The following NKAIN3 variants were observed in gnomAD, a reference collection of about 807,000 sequenced individuals.
NKAIN3 encodes the protein sodium/potassium transporting ATPase interacting 3, also known as sodium/potassium-transporting ATPase subunit beta-1-interacting protein 3.
In NKAIN3, 25 loss-of-function variants were observed where a neutral mutation model predicts 30.2. The ratio of observed to expected loss-of-function variants is 0.83; its 90% CI spans 0.60 to 1.16. NKAIN3 has a LOEUF of 1.16. Among genes scored for constraint, NKAIN3 ranks in the 50% most tolerant of loss-of-function variants. The pLI, the probability that NKAIN3 is intolerant of heterozygous loss-of-function variation, is 0.00. For synonymous variants in NKAIN3, 91 were observed against 89.6 expected, an observed-to-expected ratio of 1.02 and a Z score of -0.09; for missense variants, 225 against 254.1, an observed-to-expected ratio of 0.89 and a Z score of 0.78.
At chr8:62,581,221 C>T (rs972673501) in intron 2 of NKAIN3, among the ~76,000 whole-genome samples, 20 of 151,838 alleles carry the variant, frequency 1.3e-4, no homozygotes, top group Non-Finnish European at 2.4e-4. Flanking sequence ...AAGGGGGTTT[C>T]ATGGAGTTGG....
intron 1 of NKAIN3, among the ~76,000 whole-genome samples, chr8:62,409,215 G>A (rs1352227652): frequency 4.6e-5 from 7 of 151,918 alleles, no homozygotes; most frequent in African/African-American, 9.7e-5. Context: ...ATGGAGTTTC[G>A]CTCTTGTTGC....
intron 1 of NKAIN3, among the ~76,000 whole-genome samples, chr8:62,353,218 A>T (rs540720312): frequency 6.6e-6 from 1 of 152,258 alleles, no homozygotes; most frequent in African/African-American, 2.4e-5. Context: ...ACAAAAAAAT[A>T]AAAAAATAAG....
chr8:62,399,178 T>G (rs1817857247), intron 1 of NKAIN3, among the ~76,000 whole-genome samples: 1 of 152,210 alleles, frequency 6.6e-6, no homozygotes, highest in Non-Finnish European at 1.5e-5. Flanking sequence ...GATATTTACA[T>G]CATTTTTTTC....
Position 62,976,236 on chromosome 8 carries a change from C to T in NKAIN3, c.*10829C>T, listed in dbSNP as rs975500000. On this transcript the variant is annotated 3_prime_UTR_variant, in exon 7 of 7. Transcript: ENST00000623646. ...AGAGGTGAGTTCAAGTCCTGAATATCCTTGTTAATTTTCTATCTCGGTGAT... is the reference window on the plus strand; with the variant it reads ...AGAGGTGAGTTCAAGTCCTGAATATTCTTGTTAATTTTCTATCTCGGTGAT... 1.2e-4 allele frequency among the ~76,000 whole-genome samples: 18 copies of T among 151,448 alleles called. No individual in the cohort carries two copies. Among genetic ancestry groups the T allele is most frequent in the Admixed American group, 9.2e-4 (14 of 15,190 alleles).
At chr8:62,394,879 G>T (rs1451180163) in intron 1 of NKAIN3, among the ~76,000 whole-genome samples, 1 of 149,916 alleles carries the variant, frequency 6.7e-6, no homozygotes, top group Non-Finnish European at 1.5e-5. Context: ...GCCGGGGGAG[G>T]CGCTCATCAC....
chr8:62,696,578 A>C (rs1814161526), intron 3 of NKAIN3, among the ~76,000 whole-genome samples: 1 of 152,218 alleles, frequency 6.6e-6, no homozygotes, highest in Non-Finnish European at 1.5e-5. Flanking sequence ...CATTTGACAA[A>C]GGTTACACTG....
At chr8:62,813,872 T>C (rs1344544830) in intron 4 of NKAIN3, among the ~76,000 whole-genome samples, 2 of 152,008 alleles carry the variant, frequency 1.3e-5, no homozygotes, top group African/African-American at 4.8e-5. Context: ...TCTTTACTTG[T>C]CTGAAAAAGG....
At chr8:62,526,356 GGA>G (rs1808304779) in intron 1 of NKAIN3, among the ~76,000 whole-genome samples, 1 of 152,064 alleles carries the variant, frequency 6.6e-6, no homozygotes, top group African/African-American at 2.4e-5. Flanking sequence ...CTCCCAAAAT[GGA>G]GTCCCCTATA....
chr8:62,893,142 G>A (rs974768533), intron 4 of NKAIN3, among the ~76,000 whole-genome samples: 3 of 152,116 alleles, frequency 2.0e-5, no homozygotes, highest in Non-Finnish European at 4.4e-5. Flanking sequence ...ACAAATTTGT[G>A]CATAAAAGGT....
chr8:62,419,851 A>G (rs1406816280), intron 1 of NKAIN3, among the ~76,000 whole-genome samples: 4 of 152,178 alleles, frequency 2.6e-5, no homozygotes, highest in African/African-American at 9.7e-5. Context: ...CATAGGTCCA[A>G]CCACAAAGGC....
intron 1 of NKAIN3, among the ~76,000 whole-genome samples, chr8:62,496,906 T>A (rs1434352875): frequency 1.3e-5 from 2 of 152,168 alleles, no homozygotes; most frequent in East Asian, 3.9e-4. Flanking sequence ...GCCTCCTTAC[T>A]GGTGCAGTGA....
intron 4 of NKAIN3, among the ~76,000 whole-genome samples, chr8:62,844,937 C>T (rs1385598622): frequency 6.6e-6 from 1 of 151,916 alleles, no homozygotes; most frequent in Non-Finnish European, 1.5e-5. Context: ...TACGAAGGGG[C>T]CCCTAGTGCT....
Position 62,855,813 on chromosome 8 carries a change from T to C in NKAIN3, c.472-62640T>C, listed in dbSNP as rs149287641. ...ATCAGCAAAGAGTAAAAAGACAAGC[T>C]GGAATCCTGGAGGAGTCACCAGAAA... is the stretch of plus-strand genomic sequence containing the variant. On this transcript the variant is annotated intron_variant, in intron 4 of 6. Transcript: ENST00000623646. The C allele has an allele frequency of 7.7e-3, 7,237 of 939,370 alleles. 49 individuals carry two copies. Among genetic ancestry groups the C allele is most frequent in the Non-Finnish European group, 0.011 (6,034 of 572,534 alleles). The allele number at this position is 939,370 out of a possible 1,614,324, so 58.2% of individuals were successfully genotyped here. A position where few individuals can be genotyped will look rare whatever the true frequency, so the allele number is the denominator to read the frequency against.
At chr8:62,283,924 T>A (rs764537614) in intron 1 of NKAIN3, among the ~76,000 whole-genome samples, 1 of 152,134 alleles carries the variant, frequency 6.6e-6, no homozygotes, top group Non-Finnish European at 1.5e-5. Context: ...ATGTATTGAT[T>A]TAAAGAGAAA....
chr8:62,503,636 A>G (rs1366362131), intron 1 of NKAIN3, among the ~76,000 whole-genome samples: 2 of 151,974 alleles, frequency 1.3e-5, no homozygotes, highest in Admixed American at 1.3e-4. Flanking sequence ...ACCTTCCCCC[A>G]GGAATGCAAT....
intron 4 of NKAIN3, among the ~76,000 whole-genome samples, chr8:62,840,043 C>G (rs1819484831): frequency 6.6e-6 from 1 of 152,040 alleles, no homozygotes; most frequent in Non-Finnish European, 1.5e-5. Flanking sequence ...GTATTCATAT[C>G]CACATACATC....
intron 1 of NKAIN3, among the ~76,000 whole-genome samples, chr8:62,467,438 A>G (rs1454758161): frequency 6.6e-6 from 1 of 152,214 alleles, no homozygotes; most frequent in Non-Finnish European, 1.5e-5. Context: ...CAGAAATCTC[A>G]TAAATTAGTG....
chr8:62,835,502 C>A (rs927564851), intron 4 of NKAIN3, among the ~76,000 whole-genome samples: 1 of 151,868 alleles, frequency 6.6e-6, no homozygotes, highest in African/African-American at 2.4e-5. Flanking sequence ...AAGCAAAAAA[C>A]CAGTAATCCC....
intron 4 of NKAIN3, among the ~76,000 whole-genome samples, chr8:62,842,732 A>G (rs562221741): frequency 6.6e-6 from 1 of 152,260 alleles, no homozygotes; most frequent in East Asian, 1.9e-4. Context: ...TTGATTTTTT[A>G]CAAAACTGCC....
Sources: gnomAD v4.1 joint callset for allele counts (sites outside exome capture counted in the v4.1 genomes callset) on GRCh38, gnomAD v4.1.1 for gene constraint, MANE v1.5 for transcripts, NCBI Gene and HGNC (gene_info 2026-07-23, HGNC 2026-07-21) for gene names.